SLC7A9: variants seen among roughly 807,000 people sequenced by gnomAD.
SLC7A9 encodes the protein solute carrier family 7 member 9, also known as B(0,+)-type amino acid transporter 1.
SLC7A9 carries 38 observed loss-of-function variants against 54.1 expected under a neutral mutation model. The observed-to-expected ratio is 0.70, with a 90% CI of 0.54 to 0.92. The LOEUF is 0.92. Among genes scored for constraint, SLC7A9 ranks in the 40% least tolerant of loss-of-function variants. The pLI, the probability that SLC7A9 is intolerant of heterozygous loss-of-function variation, is 0.00. For synonymous variants in SLC7A9, 264 were observed against 258.9 expected (o/e 1.02, Z -0.19); for missense variants, 537 against 636.1 (o/e 0.84, Z 1.68).
intron 9 of SLC7A9, among the ~76,000 whole-genome samples, chr19:32,845,624 A>T (rs1968266203): frequency 6.6e-6 from 1 of 152,256 alleles, no homozygotes; most frequent in South Asian, 2.1e-4. Context: ...ATCATATAAA[A>T]ATCTAGATAT....
intron 12 of SLC7A9, chr19:32,831,445 C>G (rs1967788657): frequency 6.6e-6 from 1 of 151,214 alleles, no homozygotes; most frequent in Non-Finnish European, 1.5e-5. Context: ...CGCCACCACG[C>G]CCGGCTAATT....
rs61747604 is a variant in SLC7A9, at chr19:32,862,492, G to T, written c.573C>A (p.Ile191=). 417 of 1,613,394 alleles carry T rather than the reference G, an allele frequency of 2.6e-4. 1 individual carries two copies. The African/African-American group carries it at 5.0e-3, about 20-fold the overall frequency. The part of the protein sequence containing the change: ...TAAKLVIVAI[I]IISGLVLLAQ... ...CCAGGAGCACCAGCCCGCTGATGAT[G>T]ATGATGGCCACGATCACCAGCTTGG... The change falls in exon 5 of 13, where the codon ATC becomes ATA. Residue 191 remains isoleucine, a synonymous_variant. Transcript: ENST00000023064.
At chr19:32,860,037 G>A (rs773855229) in intron 7 of SLC7A9, 73 bp from the exon 8 acceptor site, 3 of 1,612,358 alleles carry the variant, frequency 1.9e-6, no homozygotes, top group South Asian at 1.1e-5. Context: ...CCCTCCCTGA[G>A]GCCCTCCCAG....
intron 9 of SLC7A9, among the ~76,000 whole-genome samples, chr19:32,850,731 A>G (rs1968443671): frequency 6.6e-6 from 1 of 152,230 alleles, no homozygotes; most frequent in South Asian, 2.1e-4. Flanking sequence ...TCCTAAGCCA[A>G]AAGAACAAAG....
At chr19:32,862,821 G>A (rs1968846643) in intron 4 of SLC7A9, 2 of 292,728 alleles carry the variant, frequency 6.8e-6, no homozygotes, top group African/African-American at 2.2e-5. Context: ...ACAGGTGCAC[G>A]CCACTATGCC....
intron 6 of SLC7A9, among the ~76,000 whole-genome samples, chr19:32,861,216 C>A (rs1968790936): frequency 6.6e-6 from 1 of 151,948 alleles, no homozygotes; most frequent in Non-Finnish European, 1.5e-5. Flanking sequence ...GTAATCCCAG[C>A]TAGTCGGGAG....
chr19:32,858,432 T>TCC lies in SLC7A9; in HGVS notation c.977+6_977+7dup. ...TCCACCCTGGGAGTGACGGTGGGGGTCCCCTACCTGCCCGCTGTGAAGCAG... is the reference window on the plus strand; with the variant it reads ...TCCACCCTGGGAGTGACGGTGGGGGTCCCCCCTACCTGCCCGCTGTGAAGCAG... On this transcript the variant is annotated splice_region_variant and intron_variant, in intron 9 of 12. Transcript: ENST00000023064. 1 of 1,602,108 alleles carries TCC rather than the reference T, an allele frequency of 6.2e-7. No homozygotes were observed. The highest frequency in any genetic ancestry group is 8.5e-7 in the Non-Finnish European group (1 of 1,171,130).
intron 9 of SLC7A9, among the ~76,000 whole-genome samples, chr19:32,853,615 C>CTT (rs71176158): frequency 0.018 from 2,798 of 151,740 alleles, 35 homozygotes; most frequent in Non-Finnish European, 0.024. Context: ...ACTCAAAAAA[C>CTT]TTTTTTTTAC....
intron 10 of SLC7A9, among the ~76,000 whole-genome samples, chr19:32,843,076 G>T (rs1045442241): frequency 6.6e-6 from 1 of 151,976 alleles, no homozygotes; most frequent in Non-Finnish European, 1.5e-5. Context: ...GACCACCCCT[G>T]GGGCTAGAAA....
At chr19:32,856,296 G>A (rs996680802) in intron 9 of SLC7A9, among the ~76,000 whole-genome samples, 3 of 150,436 alleles carry the variant, frequency 2.0e-5, no homozygotes, top group South Asian at 4.3e-4. Context: ...CTGGGTTCAC[G>A]CCATTCTCCT....
chr19:32,843,774 T>C, intron 10 of SLC7A9, 81 bp downstream of exon 10: 3 of 1,027,318 alleles, frequency 2.9e-6, no homozygotes, highest in Non-Finnish European at 3.1e-6. Flanking sequence ...ATCTGGGTCA[T>C]TTGGAAGCCG....
intron 11 of SLC7A9, among the ~76,000 whole-genome samples, chr19:32,840,708 GT>G (rs1368317207): frequency 6.6e-6 from 1 of 152,094 alleles, no homozygotes; most frequent in Non-Finnish European, 1.5e-5. Context: ...CTGGAAAGGA[GT>G]TTTTGTGGGG....
intron 12 of SLC7A9, chr19:32,832,807 G>T: frequency 3.2e-6 from 1 of 310,742 alleles, no homozygotes. Flanking sequence ...TACTTGGGAG[G>T]CCCAGGTGGG....
chr19:32,867,602 C>T (rs1332368318), intron 2 of SLC7A9, among the ~76,000 whole-genome samples: 1 of 152,020 alleles, frequency 6.6e-6, no homozygotes, highest in Non-Finnish European at 1.5e-5. Flanking sequence ...AAAATACTGG[C>T]CCGTCTAGAC....
intron 4 of SLC7A9, among the ~76,000 whole-genome samples, chr19:32,863,373 C>T (rs1210795005): frequency 6.6e-6 from 1 of 151,998 alleles, no homozygotes; most frequent in Non-Finnish European, 1.5e-5. Context: ...GTAATCCCTC[C>T]ACCTTGGTCT....
At chr19:32,841,366 G>GA (rs1192401910) in intron 11 of SLC7A9, among the ~76,000 whole-genome samples, 1 of 152,110 alleles carries the variant, frequency 6.6e-6, no homozygotes. Flanking sequence ...CAGATGGCAA[G>GA]AATAGACTCT....
rs766356632 is a variant in SLC7A9, at chr19:32,864,152, T to C, written c.422A>G (p.Tyr141Cys). Residue 141 changes from tyrosine to cysteine, a missense_variant, in exon 4 of 13, where the codon TAT becomes TGT. By Grantham distance (194) the Tyr-to-Cys change is radical (BLOSUM62 -2). Transcript: ENST00000023064. ...SFSEYVCAPFYVGCKPPQIVV... is the reference protein window; with the variant it reads ...SFSEYVCAPFCVGCKPPQIVV... ...GATTTGAGGAGGCTTGCAGCCCACA[T>C]AGAAGGGCGCACACACATACTCGGA... 1.9e-6 allele frequency: 3 copies of C among 1,614,128 alleles called. No individual in the cohort carries two copies. The highest frequency in any genetic ancestry group is 1.1e-5 in the South Asian group (1 of 91,080).
chr19:32,853,986 C>T (rs1968545188), intron 9 of SLC7A9, among the ~76,000 whole-genome samples: 1 of 150,798 alleles, frequency 6.6e-6, no homozygotes, highest in African/African-American at 2.4e-5. Flanking sequence ...CTAAATAGTC[C>T]ACCCATGGAT....
intron 12 of SLC7A9, 83 bp from the exon 13 acceptor site, chr19:32,830,767 A>G: frequency 1.8e-6 from 2 of 1,124,772 alleles, no homozygotes; most frequent in Non-Finnish European, 1.4e-6. Context: ...TGAGGGTGAC[A>G]TTGTTTTCAG....
Sources: allele counts gnomAD v4.1 joint callset (sites outside exome capture counted in the v4.1 genomes callset), GRCh38; gene constraint gnomAD v4.1.1; transcripts MANE v1.5; gene names NCBI Gene and HGNC (gene_info 2026-07-23, HGNC 2026-07-21).